Variants in KSR2 observed in about 807,000 individuals in gnomAD.
The protein encoded by KSR2 is kinase suppressor of ras 2.
In KSR2, 25 loss-of-function variants were observed where a neutral mutation model predicts 107.8. The observed-to-expected ratio is 0.23, with a 90% confidence interval of 0.17 to 0.32. The LOEUF is 0.32. KSR2 is among the 10% of genes least tolerant of loss of function. KSR2 has a pLI of 1.00. For synonymous variants in KSR2, 480 were observed against 507.0 expected (o/e 0.95, Z 0.71); for missense variants, 887 against 1,268.9 (o/e 0.70, Z 4.57).
intron 4 of KSR2, among the ~76,000 whole-genome samples, chr12:117,677,775 A>G (rs1427165790): frequency 6.6e-6 from 1 of 152,188 alleles, no homozygotes; most frequent in East Asian, 1.9e-4. Context: ...CTCTATCTCA[A>G]TGTTGCTTAC....
intron 5 of KSR2, among the ~76,000 whole-genome samples, chr12:117,654,319 T>A (rs944798882): frequency 6.6e-6 from 1 of 152,228 alleles, no homozygotes; most frequent in Non-Finnish European, 1.5e-5. Context: ...GTGGCTCAAA[T>A]GCCCATGATC....
chr12:117,591,931 C>T (rs1025835224), intron 5 of KSR2, among the ~76,000 whole-genome samples: 14 of 151,678 alleles, frequency 9.2e-5, no homozygotes, highest in African/African-American at 3.4e-4. Context: ...ATCGCTGGAA[C>T]TCAGGAGGTG....
At chr12:117,725,341 T>G (rs1887382714) in intron 4 of KSR2, among the ~76,000 whole-genome samples, 1 of 152,078 alleles carries the variant, frequency 6.6e-6, no homozygotes, top group South Asian at 2.1e-4. Context: ...AGCAGGCTAG[T>G]AGATCAATGG....
At chr12:117,710,543 A>G (rs2136651561) in intron 4 of KSR2, among the ~76,000 whole-genome samples, 1 of 152,230 alleles carries the variant, frequency 6.6e-6, no homozygotes, top group South Asian at 2.1e-4. Flanking sequence ...GTTTTGTGGT[A>G]TCTAAAAGCT....
chr12:117,713,311 G>C (rs1886862297), intron 4 of KSR2, among the ~76,000 whole-genome samples: 2 of 152,036 alleles, frequency 1.3e-5, no homozygotes, highest in Admixed American at 6.6e-5. Flanking sequence ...CATGTCTATA[G>C]ATAATAGATA....
intron 9 of KSR2, among the ~76,000 whole-genome samples, chr12:117,550,515 G>C (rs1327700288): frequency 6.6e-6 from 1 of 152,192 alleles, no homozygotes; most frequent in Non-Finnish European, 1.5e-5. Context: ...TCATAGGCCA[G>C]AGCATAATGG....
At chr12:117,738,179 C>T (rs935015245) in intron 4 of KSR2, among the ~76,000 whole-genome samples, 13 of 152,164 alleles carry the variant, frequency 8.5e-5, no homozygotes, top group African/African-American at 2.2e-4. Context: ...CTAGCTGCAA[C>T]GGGAAGCAAT....
intron 1 of KSR2, among the ~76,000 whole-genome samples, chr12:117,917,798 A>G (rs1366500474): frequency 5.9e-5 from 9 of 152,162 alleles, no homozygotes; most frequent in Non-Finnish European, 7.3e-5. Context: ...ATTCTCCCCC[A>G]TCACCCGAGG....
chr12:117,575,098 C>A (rs1879193199), intron 7 of KSR2, among the ~76,000 whole-genome samples: 1 of 152,138 alleles, frequency 6.6e-6, no homozygotes, highest in African/African-American at 2.4e-5. Flanking sequence ...ACCTTCTTAG[C>A]ATTTTGCATC....
intron 14 of KSR2, among the ~76,000 whole-genome samples, chr12:117,491,645 G>C (rs1471987277): frequency 6.6e-6 from 1 of 152,072 alleles, no homozygotes. Context: ...TGATGGATTC[G>C]AGTTGATTCC....
At position 117,635,794 on chromosome 12, in the gene KSR2, C is replaced by CTTTTT. The variant is rs780731850; in HGVS notation, c.1171+31675_1171+31679dup. On this transcript the variant is annotated intron_variant, in intron 5 of 19. Coordinates refer to ENST00000339824, the MANE Select transcript of KSR2 (RefSeq NM_173598.6). ...ACAAAGAAACCACATTGGTATGTTACTTTTTTTTTTTTTTTGAGACAGAGT... is the reference window on the plus strand; with the variant it reads ...ACAAAGAAACCACATTGGTATGTTACTTTTTTTTTTTTTTTTTTTTGAGACAGAGT... Among the ~76,000 whole-genome samples the CTTTTT allele has an allele frequency of 2.4e-3, 341 of 140,692 alleles. 3 individuals are homozygous for CTTTTT. Among genetic ancestry groups the CTTTTT allele is most frequent in the African/African-American group, 7.6e-3 (290 of 38,236 alleles). The allele number at this position is 140,692 out of a possible 152,430, so 92.3% of individuals were successfully genotyped here. A position where few individuals can be genotyped will look rare whatever the true frequency, so the allele number is the denominator to read the frequency against.
chr12:117,793,457 G>A (rs1262330321), intron 3 of KSR2, among the ~76,000 whole-genome samples: 2 of 134,484 alleles, frequency 1.5e-5, no homozygotes, highest in East Asian at 2.5e-4. Context: ...AAACCAACAT[G>A]CACACATACA....
At chr12:117,762,118 C>G (rs1278267795) in intron 3 of KSR2, among the ~76,000 whole-genome samples, 1 of 152,248 alleles carries the variant, frequency 6.6e-6, no homozygotes, top group Non-Finnish European at 1.5e-5. Flanking sequence ...GAAGACCCCA[C>G]AGCCCAAATG....
intron 3 of KSR2, among the ~76,000 whole-genome samples, chr12:117,819,407 G>A (rs891913310): frequency 6.6e-6 from 1 of 152,218 alleles, no homozygotes; most frequent in Non-Finnish European, 1.5e-5. Context: ...CAGAGTTGCT[G>A]AGAGCCTCCT....
rs376617058 is a variant in KSR2, at chr12:117,558,470, C to T, written c.1393+36G>A. 5.6e-5 allele frequency: 89 copies of T among 1,585,342 alleles called. No homozygotes were observed. The African/African-American group carries it at 1.1e-3, about 20-fold the overall frequency. The stretch of plus-strand genomic sequence containing the variant: ...GGGGACCTGCAGGAGCCCCACCTCA[C>T]CCCTGCCCCTAGGGCAGTAAGTGTT... On this transcript the variant is annotated intron_variant, in intron 8 of 19. Coordinates refer to ENST00000339824, the MANE Select transcript of KSR2 (RefSeq NM_173598.6).
chr12:117,709,476 A>T (rs746967), intron 4 of KSR2, among the ~76,000 whole-genome samples: 65,545 of 151,410 alleles, frequency 0.43, 14,778 homozygotes, highest in African/African-American at 0.56. Flanking sequence ...GGCATGCACC[A>T]CCATGCCTGG....
chr12:117,896,481 C>T (rs4767639), intron 1 of KSR2, among the ~76,000 whole-genome samples: 57,699 of 144,654 alleles, frequency 0.4, 13,941 homozygotes, highest in East Asian at 0.87. Flanking sequence ...TTTTTTGAGA[C>T]GGAGTTTTGC....
chr12:117,879,174 T>C (rs1169057578), intron 1 of KSR2, among the ~76,000 whole-genome samples: 1 of 152,192 alleles, frequency 6.6e-6, no homozygotes, highest in Admixed American at 6.5e-5. Flanking sequence ...GAATGAATTA[T>C]AGGTATATTT....
At chr12:117,731,417 G>C (rs1887696275) in intron 4 of KSR2, among the ~76,000 whole-genome samples, 1 of 134,492 alleles carries the variant, frequency 7.4e-6, no homozygotes, top group Non-Finnish European at 1.6e-5. Context: ...GGAGGGAGGT[G>C]GGGGGCAGCC....
Sources: gnomAD v4.1 joint callset for allele counts (sites outside exome capture counted in the v4.1 genomes callset) on GRCh38, gnomAD v4.1.1 for gene constraint, MANE v1.5 for transcripts, NCBI Gene and HGNC (gene_info 2026-07-23, HGNC 2026-07-21) for gene names.